Variants in SCNN1B observed in about 807,000 individuals in gnomAD.
SCNN1B encodes the protein sodium channel epithelial 1 subunit beta, also known as epithelial sodium channel subunit beta.
Under a neutral mutation model 65.3 loss-of-function variants are expected in SCNN1B, and 46 were observed. That is an observed-to-expected ratio of 0.70 (90% CI 0.56 to 0.90). SCNN1B has a LOEUF of 0.90. Ranked by LOEUF, SCNN1B falls within the 40% of genes least tolerant of loss-of-function variation. The pLI is 0.00. For missense variants in SCNN1B, 751 were observed against 830.5 expected, an observed-to-expected ratio of 0.90 and a Z score of 1.18; for synonymous variants, 349 against 330.6, an observed-to-expected ratio of 1.06 and a Z score of -0.60.
chr16:23,371,010 G>A lies in SCNN1B; in HGVS notation c.881-289G>A, dbSNP rs372506512. On this transcript the variant is annotated intron_variant, in intron 5 of 12. Coordinates refer to ENST00000343070, the MANE Select transcript of SCNN1B (RefSeq NM_000336.3). The stretch of plus-strand genomic sequence containing the variant: ...TGGTGTGAGGTGGGGTGGCATGGGT[G>A]GGCCGTGGCCATGCTATGCCTCCTT... Among the ~76,000 whole-genome samples the A allele has an allele frequency of 1.1e-4, 16 of 152,332 alleles. No homozygotes were observed. In the South Asian group the frequency reaches 2.7e-3, roughly 26 times the overall value.
intron 1 of SCNN1B, among the ~76,000 whole-genome samples, chr16:23,316,013 A>C (rs1961446579): frequency 6.6e-6 from 1 of 151,124 alleles, no homozygotes; most frequent in Non-Finnish European, 1.5e-5. Context: ...CACCACCATC[A>C]TCCCCATCAT....
intron 4 of SCNN1B, among the ~76,000 whole-genome samples, chr16:23,361,721 C>T (rs554149950): frequency 2.0e-5 from 3 of 152,324 alleles, no homozygotes; most frequent in Admixed American, 1.3e-4. Flanking sequence ...TCTGGCACTA[C>T]AGGATGCCCC....
At chr16:23,298,984 C>T (rs1212468871), upstream of SCNN1B, among the ~76,000 whole-genome samples, 2 of 151,948 alleles carry the variant, frequency 1.3e-5, no homozygotes, top group Admixed American at 6.6e-5. Flanking sequence ...AAAAGAAAAC[C>T]TTCAAAAATA....
chr16:23,340,673 G>T (rs1264703075), intron 1 of SCNN1B, among the ~76,000 whole-genome samples: 2 of 151,962 alleles, frequency 1.3e-5, no homozygotes, highest in Non-Finnish European at 2.9e-5. Flanking sequence ...TGGAATTACA[G>T]GTGTGAGCCA....
Position 23,355,376 on chromosome 16 carries a change from G to C in SCNN1B, c.663G>C (p.Leu221=). Residue 221 remains leucine, a synonymous_variant, in exon 4 of 13, where the codon CTG becomes CTC. Transcript: ENST00000343070. ...ATQALTEWYI[L]QATNIFAQVP... is the part of the protein sequence containing the mutation. ...AGGCATTGACAGAGTGGTACATCCT[G>C]CAGGCCACCAACATCTTTGCACAGG... 1 of 1,614,168 alleles carries C rather than the reference G, an allele frequency of 6.2e-7. No individual in the cohort carries two copies. The highest frequency in any genetic ancestry group is 8.5e-7 in the Non-Finnish European group (1 of 1,180,024).
upstream of SCNN1B, among the ~76,000 whole-genome samples, chr16:23,298,833 C>G (rs974793724): frequency 6.6e-6 from 1 of 152,164 alleles, no homozygotes; most frequent in African/African-American, 2.4e-5. Flanking sequence ...ATCAACCAGT[C>G]TGGAGTTCCC....
chr16:23,380,378 G>C lies in SCNN1B; in HGVS notation c.1543-43G>C. 2 of 1,613,522 alleles carry C rather than the reference G, an allele frequency of 1.2e-6. No individual in the cohort carries two copies. The highest frequency in any genetic ancestry group is 1.7e-6 in the Non-Finnish European group (2 of 1,179,982). On this transcript the variant is annotated intron_variant, in intron 12 of 12. Transcript: ENST00000343070. This position sits in a 1 kb window ranked among gnomAD's most constrained non-coding sequence, Gnocchi z 5.4. ...AGCTGTGAGGCTGGGCTAGAGGCAA[G>C]AATGTGTGGCCTGAGCTCACCCCAG...
At chr16:23,360,245 TA>T (rs1962518724) in intron 4 of SCNN1B, among the ~76,000 whole-genome samples, 2 of 131,188 alleles carry the variant, frequency 1.5e-5, no homozygotes, top group African/African-American at 2.8e-5. Context: ...AATAAATAAA[TA>T]AAAAGGCTTT....
intron 1 of SCNN1B, among the ~76,000 whole-genome samples, chr16:23,331,695 T>G (rs1203508960): frequency 6.6e-6 from 1 of 152,146 alleles, no homozygotes; most frequent in East Asian, 1.9e-4. Context: ...CAGCCTCATT[T>G]CAACATATGA....
chr16:23,375,740 C>G lies in SCNN1B; in HGVS notation c.1155C>G (p.Ala385=). The change falls in exon 8 of 13, where the codon GCC becomes GCG. Residue 385 remains alanine, a splice_region_variant and synonymous_variant. Transcript: ENST00000343070. ...TATGAACCCCCTACCCTCCCCAGGC[C>G]TGTCTTCGCTCCTGCTTCCAAGACC... ...SDYNTTYSIQ[A]CLRSCFQDHM... is the part of the protein sequence containing the mutation. 1 of 1,611,516 alleles carries G rather than the reference C, an allele frequency of 6.2e-7. No homozygotes were observed. Among genetic ancestry groups the G allele is most frequent in the Non-Finnish European group, 8.5e-7 (1 of 1,177,576 alleles).
At chr16:23,292,813 A>C (rs1478504001) in intron 2 of SCNN1B, among the ~76,000 whole-genome samples, 6 of 150,924 alleles carry the variant, frequency 4.0e-5, no homozygotes, top group Non-Finnish European at 8.9e-5. Flanking sequence ...CAGCAATTCT[A>C]ATAGAGTGAG....
intron 1 of SCNN1B, among the ~76,000 whole-genome samples, chr16:23,316,313 A>G (rs1484734263): frequency 1.3e-5 from 2 of 150,472 alleles, no homozygotes; most frequent in Non-Finnish European, 3.0e-5. Flanking sequence ...CATCACCATC[A>G]TCACCATCAT....
At chr16:23,350,195 G>A (rs1450811679) in intron 2 of SCNN1B, among the ~76,000 whole-genome samples, 2 of 152,202 alleles carry the variant, frequency 1.3e-5, no homozygotes, top group Middle Eastern at 3.2e-3. Context: ...AACCACCCTA[G>A]GATTGGGAAC....
At chr16:23,299,030 C>T (rs1334884145), upstream of SCNN1B, among the ~76,000 whole-genome samples, 1 of 145,008 alleles carries the variant, frequency 6.9e-6, no homozygotes, top group Admixed American at 6.9e-5. Flanking sequence ...TTGCTATGTT[C>T]TTTTTTTTGC....
In SCNN1B at chr16:23,352,877, GAGCTA is replaced by G. The variant is rs1962338720; in HGVS notation, c.392_396del (p.Leu131ProfsTer22). 1 of 1,614,140 alleles carries G rather than the reference GAGCTA, an allele frequency of 6.2e-7. No individual in the cohort carries two copies. Among genetic ancestry groups the G allele is most frequent in the East Asian group, 2.2e-5 (1 of 44,888 alleles). On this transcript the variant is annotated frameshift_variant, in exon 3 of 13. Coordinates refer to ENST00000343070, the MANE Select transcript of SCNN1B (RefSeq NM_000336.3). LOFTEE classifies it high-confidence loss of function. Reference sequence around the variant, plus strand: ...TGTCCTGGAGAGAATCCTGGCTCCTGAGCTAAGCCATGCCAATGCCACCAGGAACC... The same window carrying G: ...TGTCCTGGAGAGAATCCTGGCTCCTGAGCCATGCCAATGCCACCAGGAACC...
chr16:23,306,281 G>A (rs956946241), intron 1 of SCNN1B, among the ~76,000 whole-genome samples: 4 of 151,870 alleles, frequency 2.6e-5, no homozygotes, highest in East Asian at 1.9e-4. Context: ...AAATTGTTTA[G>A]CATTTTTTGT....
rs1962410003 is a variant in SCNN1B at position 23,355,859 on chromosome 16, G to A, written c.776+370G>A. ...TAGTCCCAGCACTTTGTGAGGTGGA[G>A]ACGGGAGGATCGCTTGAGACCAGGA... On this transcript the variant is annotated intron_variant, in intron 4 of 12. Transcript: ENST00000343070. Among the ~76,000 whole-genome samples, 3 of 152,172 alleles carry A rather than the reference G, an allele frequency of 2.0e-5. No homozygotes were observed. In the South Asian group the frequency reaches 6.2e-4, roughly 32 times the overall value.
chr16:23,366,598 G>A (rs1032072925), intron 4 of SCNN1B, among the ~76,000 whole-genome samples: 1 of 152,086 alleles, frequency 6.6e-6, no homozygotes, highest in African/African-American at 2.4e-5. Context: ...GCCGGGTGTG[G>A]TGGCGGGTGC....
intron 1 of SCNN1B, among the ~76,000 whole-genome samples, chr16:23,329,595 CAG>C (rs1343486859): frequency 3.3e-5 from 5 of 152,160 alleles, no homozygotes; most frequent in Non-Finnish European, 7.3e-5. Context: ...GTTGAGGAGA[CAG>C]AGACACAGAG....
Sources: gnomAD v4.1 joint callset for allele counts (sites outside exome capture counted in the v4.1 genomes callset) on GRCh38, gnomAD v4.1.1 for gene constraint, Gnocchi (gnomAD v3.1) non-coding constraint, MANE v1.5 for transcripts, NCBI Gene and HGNC (gene_info 2026-07-23, HGNC 2026-07-21) for gene names.